The following KCNB2 variants were observed in gnomAD, a reference collection of about 807,000 sequenced individuals.
The protein encoded by KCNB2 is delayed rectifier potassium channel protein.
Under a neutral mutation model 61.5 loss-of-function variants are expected in KCNB2, and 15 were observed. The ratio of observed to expected loss-of-function variants is 0.24; its 90% CI spans 0.16 to 0.38. The LOEUF (loss-of-function observed/expected upper bound fraction) is 0.38, where lower values mean the gene tolerates loss of function less well. Among genes scored for constraint, KCNB2 ranks in the 10% least tolerant of loss-of-function variants. KCNB2 has a pLI of 1.00. For missense variants in KCNB2, 828 were observed against 1,125.2 expected (o/e 0.74, Z 3.78); for synonymous variants, 457 against 446.0 (o/e 1.02, Z -0.31).
intron 2 of KCNB2, among the ~76,000 whole-genome samples, chr8:72,894,892 G>A (rs1805965235): frequency 1.3e-5 from 2 of 152,178 alleles, no homozygotes; most frequent in Non-Finnish European, 2.9e-5. Flanking sequence ...CCAGATGGAA[G>A]GGAGGGATGT....
intron 2 of KCNB2, among the ~76,000 whole-genome samples, chr8:72,745,338 C>G (rs571985704): frequency 4.6e-5 from 7 of 152,190 alleles, no homozygotes; most frequent in African/African-American, 1.7e-4. Context: ...GCACAGTCCT[C>G]CATAAGACTG....
chr8:72,872,707 G>A (rs542116459), intron 2 of KCNB2, among the ~76,000 whole-genome samples: 69 of 152,336 alleles, frequency 4.5e-4, no homozygotes, highest in South Asian at 2.1e-3. Context: ...TAAACGAAGA[G>A]CATGGAGTTA....
chr8:72,883,775 G>A (rs546365518), intron 2 of KCNB2, among the ~76,000 whole-genome samples: 6 of 152,154 alleles, frequency 3.9e-5, no homozygotes, highest in African/African-American at 1.2e-4. Context: ...ATTTTGAAAC[G>A]TTACGTAGTG....
At chr8:72,821,054 A>G (rs1212717165) in intron 2 of KCNB2, among the ~76,000 whole-genome samples, 1 of 152,176 alleles carries the variant, frequency 6.6e-6, no homozygotes, top group Non-Finnish European at 1.5e-5. Flanking sequence ...ATACTTCAAA[A>G]TGCTGAATTA....
intron 2 of KCNB2, among the ~76,000 whole-genome samples, chr8:72,832,440 A>G: frequency 6.6e-6 from 1 of 152,206 alleles, no homozygotes; most frequent in African/African-American, 2.4e-5. Flanking sequence ...GGTAATAATG[A>G]GTACATAGTA....
intron 2 of KCNB2, among the ~76,000 whole-genome samples, chr8:72,674,117 A>G (rs1806610712): frequency 6.6e-6 from 1 of 152,180 alleles, no homozygotes; most frequent in African/African-American, 2.4e-5. Context: ...TGATAGTGAT[A>G]AGGGCATAGG....
At chr8:72,628,174 A>T (rs1465424861) in intron 2 of KCNB2, among the ~76,000 whole-genome samples, 1 of 152,098 alleles carries the variant, frequency 6.6e-6, no homozygotes, top group East Asian at 1.9e-4. Context: ...GGCTGCTCTC[A>T]AACTCCTGGC....
intron 2 of KCNB2, among the ~76,000 whole-genome samples, chr8:72,590,789 A>G (rs896475187): frequency 1.7e-4 from 26 of 152,222 alleles, no homozygotes; most frequent in African/African-American, 6.3e-4. Context: ...GTCACAAACA[A>G]GCAAAAAATC....
chr8:72,754,505 G>T (rs1808252545), intron 2 of KCNB2, among the ~76,000 whole-genome samples: 1 of 152,126 alleles, frequency 6.6e-6, no homozygotes. Context: ...TCCCAAAAGG[G>T]TATGGAAGAC....
At chr8:72,575,315 A>T (rs1379697052) in intron 2 of KCNB2, among the ~76,000 whole-genome samples, 3 of 135,472 alleles carry the variant, frequency 2.2e-5, no homozygotes, top group Non-Finnish European at 3.0e-5. Flanking sequence ...GTATATATTG[A>T]TATATTAATA....
intron 2 of KCNB2, among the ~76,000 whole-genome samples, chr8:72,615,559 G>A (rs1024282485): frequency 9.9e-5 from 15 of 152,206 alleles, no homozygotes; most frequent in Non-Finnish European, 1.5e-5. Flanking sequence ...TGATTGGTTA[G>A]AGCTGGTTGG....
intron 1 of KCNB2, among the ~76,000 whole-genome samples, chr8:72,566,534 TAAA>T (rs35033564): frequency 1.1e-4 from 16 of 144,768 alleles, no homozygotes; most frequent in Non-Finnish European, 1.5e-4. Context: ...ACCCTGTCTC[TAAA>T]AAAAAAAAAA....
In KCNB2 at chr8:72,856,412, T is replaced by C. The variant is rs75374724; in HGVS notation, c.580-79523T>C. 2.6e-3 allele frequency among the ~76,000 whole-genome samples: 391 copies of C among 152,246 alleles called. 16 individuals carry two copies. The East Asian group carries it at 0.071, about 28-fold the overall frequency. On this transcript the variant is annotated intron_variant, in intron 2 of 2. Transcript: ENST00000523207. ...ATTGGACAGTGCAAATCTAAGATAG[T>C]TGGCATCCAGGTAAGGTCAGCAACC...
intron 2 of KCNB2, among the ~76,000 whole-genome samples, chr8:72,612,819 A>T (rs72668151): frequency 0.17 from 26,362 of 152,070 alleles, 2,704 homozygotes; most frequent in East Asian, 0.51. Flanking sequence ...GCTAAGAATT[A>T]TTTTTTTAAT....
intron 2 of KCNB2, among the ~76,000 whole-genome samples, chr8:72,748,384 A>T (rs933480438): frequency 1.3e-5 from 2 of 152,116 alleles, no homozygotes; most frequent in Admixed American, 6.5e-5. Flanking sequence ...TCTGTTCTGG[A>T]TGATTGCAAA....
intron 2 of KCNB2, among the ~76,000 whole-genome samples, chr8:72,636,433 A>G (rs1805968263): frequency 6.6e-6 from 1 of 152,196 alleles, no homozygotes; most frequent in Non-Finnish European, 1.5e-5. Context: ...AAAGGATACA[A>G]TTTTCCTCTA....
rs376999454 is a variant in KCNB2, at chr8:72,700,709, A to G, written c.579+132396A>G. Reference sequence around the variant, plus strand: ...TCAAAGTACTTAAAACAGAGCTACCATTTGACCCAGCATCCCATTTTTGGG... The same window carrying G: ...TCAAAGTACTTAAAACAGAGCTACCGTTTGACCCAGCATCCCATTTTTGGG... On this transcript the variant is annotated intron_variant, in intron 2 of 2. Coordinates refer to ENST00000523207, the MANE Select transcript of KCNB2 (RefSeq NM_004770.3). Among the ~76,000 whole-genome samples, 5 of 152,322 alleles carry G rather than the reference A, an allele frequency of 3.3e-5. No individual in the cohort carries two copies. The East Asian group carries it at 9.6e-4, about 29-fold the overall frequency.
chr8:72,711,791 C>G (rs1389190919), intron 2 of KCNB2, among the ~76,000 whole-genome samples: 1 of 152,098 alleles, frequency 6.6e-6, no homozygotes, highest in Non-Finnish European at 1.5e-5. Flanking sequence ...AGTTCAAGAC[C>G]AGCCTGACCA....
At chr8:72,548,555 G>T (rs1806296719) in intron 1 of KCNB2, among the ~76,000 whole-genome samples, 1 of 152,184 alleles carries the variant, frequency 6.6e-6, no homozygotes, top group Non-Finnish European at 1.5e-5. Context: ...CAAAATGGGT[G>T]TTGGGAAGTA....
Sources: allele counts gnomAD v4.1 joint callset (sites outside exome capture counted in the v4.1 genomes callset), GRCh38; gene constraint gnomAD v4.1.1; transcripts MANE v1.5; gene names NCBI Gene and HGNC (gene_info 2026-07-23, HGNC 2026-07-21).